The following RBFOX3 variants were observed in gnomAD, a reference collection of about 807,000 sequenced individuals.
RBFOX3 encodes RNA binding fox-1 homolog 3, also known as RNA binding protein fox-1 homolog 3.
Under a neutral mutation model 48.7 loss-of-function variants are expected in RBFOX3, and 17 were observed. The ratio of observed to expected loss-of-function variants is 0.35; its 90% CI spans 0.24 to 0.52. RBFOX3 has a LOEUF of 0.52. RBFOX3 is among the 20% of genes least tolerant of loss of function. The pLI is 0.94. For missense variants in RBFOX3, 382 were observed against 497.5 expected (o/e 0.77, Z 2.21); for synonymous variants, 212 against 209.5 (o/e 1.01, Z -0.10).
intron 3 of RBFOX3, among the ~76,000 whole-genome samples, chr17:79,269,504 C>T (rs1227785758): frequency 1.3e-5 from 2 of 152,036 alleles, no homozygotes. Flanking sequence ...GGAAAAAATT[C>T]CCCCCTTGAG....
rs1443123532 is a variant in RBFOX3 at position 79,477,187 on chromosome 17, C to G, written c.-175+5267G>C. Among the ~76,000 whole-genome samples, 5 of 147,368 alleles carry G rather than the reference C, an allele frequency of 3.4e-5. No homozygotes were observed. The highest frequency in any genetic ancestry group is 5.9e-5 in the Non-Finnish European group (4 of 67,354). On this transcript the variant is annotated intron_variant, in intron 2 of 14. Transcript: ENST00000693108. The surrounding 1 kb of genome is among the most constrained non-coding windows in gnomAD (Gnocchi z 4.8). ...GGTAGAGGTTGCAGTGAGCTGAGATCGCGCCACTGCACTCCAGCCTGGGTG... is the reference window on the plus strand; with the variant it reads ...GGTAGAGGTTGCAGTGAGCTGAGATGGCGCCACTGCACTCCAGCCTGGGTG...
At chr17:79,430,338 TC>T (rs1175078739) in intron 2 of RBFOX3, among the ~76,000 whole-genome samples, 1 of 151,228 alleles carries the variant, frequency 6.6e-6, no homozygotes, top group Non-Finnish European at 1.5e-5. Context: ...GAAAATAGAC[TC>T]AAACATAACA....
chr17:79,294,873 G>C (rs2074067820), intron 3 of RBFOX3, among the ~76,000 whole-genome samples: 1 of 152,294 alleles, frequency 6.6e-6, no homozygotes, highest in East Asian at 1.9e-4. Context: ...CTTGTCACTT[G>C]CTTTAATTCG....
intron 3 of RBFOX3, among the ~76,000 whole-genome samples, chr17:79,282,396 G>GTTCTT (rs1272963870): frequency 6.6e-6 from 1 of 152,208 alleles, no homozygotes; most frequent in African/African-American, 2.4e-5. Context: ...TTAGAAAAGG[G>GTTCTT]TTCTTTTCTG....
At chr17:79,150,758 C>T (rs1264371669) in intron 4 of RBFOX3, among the ~76,000 whole-genome samples, 4 of 152,184 alleles carry the variant, frequency 2.6e-5, no homozygotes, top group Non-Finnish European at 2.9e-5. Context: ...TAGGGATGGG[C>T]ACTTCCGAGA....
At chr17:79,308,725 CCT>C (rs974134307) in intron 2 of RBFOX3, among the ~76,000 whole-genome samples, 4 of 152,042 alleles carry the variant, frequency 2.6e-5, no homozygotes, top group East Asian at 1.9e-4. Flanking sequence ...CTCTCTCTCT[CCT>C]CTCTCTCCAC....
At chr17:79,312,549 C>T (rs1384198735) in intron 2 of RBFOX3, among the ~76,000 whole-genome samples, 1 of 151,984 alleles carries the variant, frequency 6.6e-6, no homozygotes, top group Non-Finnish European at 1.5e-5. Context: ...GACCAGGGTC[C>T]CCAAGGTGGG....
At chr17:79,650,519 G>A in the RBFOX3 span, among the ~76,000 whole-genome samples, 1 of 152,102 alleles carries the variant, frequency 6.6e-6, no homozygotes, top group Non-Finnish European at 1.5e-5. Context: ...ACCCACTGAG[G>A]CGCATTTCCA....
At chr17:79,450,585 TA>T (rs559610585) in intron 2 of RBFOX3, among the ~76,000 whole-genome samples, 2 of 152,208 alleles carry the variant, frequency 1.3e-5, no homozygotes, top group South Asian at 2.1e-4. Flanking sequence ...GTATTAAATA[TA>T]TTTTCAACTT....
intron 2 of RBFOX3, among the ~76,000 whole-genome samples, chr17:79,332,672 A>AGAGAGAGAGAGACAGAAAGACAGAGCCT (rs1568058524): frequency 1.4e-5 from 2 of 145,528 alleles, no homozygotes; most frequent in African/African-American, 5.3e-5. Flanking sequence ...AGATGGAGAC[A>AGAGAGAGAGAGACAGAAAGACAGAGCCT]GAGAGACAAA....
the RBFOX3 span, among the ~76,000 whole-genome samples, chr17:79,648,980 T>TC: frequency 1.8e-5 from 1 of 54,676 alleles, no homozygotes; most frequent in Non-Finnish European, 3.7e-5. Context: ...AAAAATGTCT[T>TC]TTTTTTTTTT....
intron 4 of RBFOX3, among the ~76,000 whole-genome samples, chr17:79,230,878 A>G (rs1298267731): frequency 6.6e-6 from 1 of 152,104 alleles, no homozygotes; most frequent in African/African-American, 2.4e-5. Flanking sequence ...GATCCGGTGT[A>G]AAGAAGAAAA....
At chr17:79,456,339 G>A (rs2074487491) in intron 2 of RBFOX3, among the ~76,000 whole-genome samples, 1 of 152,032 alleles carries the variant, frequency 6.6e-6, no homozygotes, top group African/African-American at 2.4e-5. Context: ...GACATCTGGG[G>A]CTGGGTCCTT....
At chr17:79,518,924 T>C (rs1375873973) in intron 1 of RBFOX3, among the ~76,000 whole-genome samples, 1 of 152,142 alleles carries the variant, frequency 6.6e-6, no homozygotes, top group Non-Finnish European at 1.5e-5. Flanking sequence ...ATAGAACATT[T>C]CCTCCAAATG....
chr17:79,571,878 CTG>C (rs1217298043), intron 1 of RBFOX3, among the ~76,000 whole-genome samples: 3 of 152,152 alleles, frequency 2.0e-5, no homozygotes, highest in Non-Finnish European at 4.4e-5. Flanking sequence ...GGGCAGAAGA[CTG>C]TGCCTATGAG....
At chr17:79,179,844 C>G (rs189670797) in intron 4 of RBFOX3, among the ~76,000 whole-genome samples, 132 of 152,318 alleles carry the variant, frequency 8.7e-4, no homozygotes, top group African/African-American at 2.9e-3. Context: ...CACTGGCCAT[C>G]ATGCACCAGC....
At chr17:79,542,283 T>C (rs1555790580) in intron 1 of RBFOX3, among the ~76,000 whole-genome samples, 1 of 152,216 alleles carries the variant, frequency 6.6e-6, no homozygotes, top group Non-Finnish European at 1.5e-5. Context: ...CCTCCCTGGC[T>C]GCCCTCTGCA....
In RBFOX3 at chr17:79,364,040, C is replaced by G. The variant is rs1246477060; in HGVS notation, c.-174-56216G>C. 6.6e-6 allele frequency among the ~76,000 whole-genome samples: 1 copy of G among 152,204 alleles called. No individual in the cohort carries two copies. The highest frequency in any genetic ancestry group is 1.5e-5 in the Non-Finnish European group (1 of 68,048). On this transcript the variant is annotated intron_variant, in intron 2 of 14. Transcript: ENST00000693108. This position sits in a 1 kb window ranked among gnomAD's most constrained non-coding sequence, Gnocchi z 5.1. Reference sequence around the variant, plus strand: ...CAAGCCTCAGCTCAGATGCCAGGTCCTCAGAGAATCCAGCCCTACAGGAAA... The same window carrying G: ...CAAGCCTCAGCTCAGATGCCAGGTCGTCAGAGAATCCAGCCCTACAGGAAA...
chr17:79,380,147 C>A (rs1196023724), intron 2 of RBFOX3, among the ~76,000 whole-genome samples: 4 of 151,984 alleles, frequency 2.6e-5, no homozygotes, highest in Non-Finnish European at 5.9e-5. Context: ...ATCTCTAACC[C>A]TCCCCGTCTG....
Sources: gnomAD v4.1 joint callset for allele counts (sites outside exome capture counted in the v4.1 genomes callset) on GRCh38, gnomAD v4.1.1 for gene constraint, Gnocchi (gnomAD v3.1) non-coding constraint, MANE v1.5 for transcripts, NCBI Gene and HGNC (gene_info 2026-07-23, HGNC 2026-07-21) for gene names.